ITPRID1: variants seen among roughly 807,000 people sequenced by gnomAD.
ITPRID1 encodes the protein ITPR interacting domain containing 1, also known as protein ITPRID1.
ITPRID1 carries 96 observed loss-of-function variants against 95.4 expected under a neutral mutation model. That is an observed-to-expected ratio of 1.01 (90% CI 0.85 to 1.19). The LOEUF is 1.19. Among genes scored for constraint, ITPRID1 ranks in the 50% most tolerant of loss-of-function variants. ITPRID1 has a pLI of 0.00. For synonymous variants in ITPRID1, 510 were observed against 453.6 expected (o/e 1.12, Z -1.58); for missense variants, 1,339 against 1,252.9 (o/e 1.07, Z -1.04).
At chr7:31,609,550 A>T (rs1358537298) in intron 10 of ITPRID1, among the ~76,000 whole-genome samples, 1 of 151,520 alleles carries the variant, frequency 6.6e-6, no homozygotes, top group Non-Finnish European at 1.5e-5. Context: ...CCTTTCTAGA[A>T]ATGTATCCAT....
Position 31,642,788 on chromosome 7 carries a change from A to G in ITPRID1, c.1418A>G (p.Asp473Gly). 2 of 1,613,996 alleles carry G rather than the reference A, an allele frequency of 1.2e-6. No homozygotes were observed. The highest frequency in any genetic ancestry group is 3.3e-5 in the Admixed American group (2 of 60,026). Residue 473 changes from aspartate (D) to glycine (G), a missense_variant, in exon 12 of 15, where the codon GAT (aspartate) becomes GGT (glycine). Coordinates refer to ENST00000615280, the MANE Select transcript of ITPRID1 (RefSeq NM_001257967.3). ...VSSQDCQLES[D>G]GPDSKSRASM... ...TCCCAGGACTGTCAGCTAGAGTCGG[A>G]TGGGCCAGATTCCAAAAGTAGGGCG...
At chr7:31,605,147 AAG>A (rs1491076809) in intron 10 of ITPRID1, among the ~76,000 whole-genome samples, 9 of 151,610 alleles carry the variant, frequency 5.9e-5, no homozygotes, top group African/African-American at 2.2e-4. Flanking sequence ...CAAAAAAAAA[AAG>A]AGAAAATAAA....
At chr7:31,636,680 T>C (rs1216829076) in intron 10 of ITPRID1, among the ~76,000 whole-genome samples, 5 of 152,136 alleles carry the variant, frequency 3.3e-5, no homozygotes, top group Admixed American at 6.5e-5. Context: ...GAGGGAGAAC[T>C]AACAGGCTGT....
intron 10 of ITPRID1, among the ~76,000 whole-genome samples, chr7:31,599,690 C>CTCTCTCTCTCTCTCTTTCTT (rs1180791810): frequency 9.4e-6 from 1 of 106,646 alleles, no homozygotes; most frequent in African/African-American, 4.4e-5. Context: ...CTCTCTCTCT[C>CTCTCTCTCTCTCTCTTTCTT]TCTTTCTTTC....
chr7:31,621,943 G>A (rs1156645097), intron 10 of ITPRID1, among the ~76,000 whole-genome samples: 4 of 149,330 alleles, frequency 2.7e-5, no homozygotes, highest in Non-Finnish European at 4.5e-5. Context: ...AAAAAAGGCA[G>A]GGGTTGCAAT....
At chr7:31,536,132 T>C (rs1328514718) in intron 1 of ITPRID1, among the ~76,000 whole-genome samples, 2 of 152,176 alleles carry the variant, frequency 1.3e-5, no homozygotes, top group African/African-American at 2.4e-5. Context: ...TATTTTCCTA[T>C]AGATCTTGGA....
chr7:31,623,504 G>A (rs886946627), intron 10 of ITPRID1, among the ~76,000 whole-genome samples: 14 of 151,608 alleles, frequency 9.2e-5, no homozygotes, highest in Admixed American at 6.6e-4. Flanking sequence ...AGACAAAAAT[G>A]ACACGATTAT....
chr7:31,552,301 T>C (rs1784307710), intron 2 of ITPRID1, among the ~76,000 whole-genome samples: 1 of 107,564 alleles, frequency 9.3e-6, no homozygotes, highest in Non-Finnish European at 2.3e-5. Context: ...TGGTTTTGAG[T>C]CCTGGCTGGC....
At chr7:31,560,289 C>A (rs1784583088) in intron 5 of ITPRID1, among the ~76,000 whole-genome samples, 1 of 152,174 alleles carries the variant, frequency 6.6e-6, no homozygotes, top group Non-Finnish European at 1.5e-5. Flanking sequence ...AAAGAATTAT[C>A]CAGAAGCCAA....
chr7:31,600,606 G>A (rs888242098), intron 10 of ITPRID1, among the ~76,000 whole-genome samples: 1 of 152,182 alleles, frequency 6.6e-6, no homozygotes, highest in African/African-American at 2.4e-5. Flanking sequence ...GACTTTATAA[G>A]CCCAACTCTT....
chr7:31,628,024 G>C (rs1788633770), intron 10 of ITPRID1, among the ~76,000 whole-genome samples: 1 of 152,206 alleles, frequency 6.6e-6, no homozygotes, highest in Non-Finnish European at 1.5e-5. Context: ...AGGTTAATAA[G>C]AGCAGAAAGT....
At chr7:31,644,493 G>A (rs1375412073) in intron 12 of ITPRID1, among the ~76,000 whole-genome samples, 3 of 152,172 alleles carry the variant, frequency 2.0e-5, no homozygotes, top group Non-Finnish European at 2.9e-5. Context: ...ACTCTTATAT[G>A]TGTTACTCTT....
At chr7:31,551,574 A>AG (rs1784285917) in intron 2 of ITPRID1, among the ~76,000 whole-genome samples, 1 of 143,778 alleles carries the variant, frequency 7.0e-6, no homozygotes, top group Non-Finnish European at 1.6e-5. Context: ...TAAAATTGAC[A>AG]GCCATCATAA....
intron 10 of ITPRID1, among the ~76,000 whole-genome samples, chr7:31,620,279 AGATCT>A (rs928604079): frequency 6.6e-6 from 1 of 152,054 alleles, no homozygotes; most frequent in African/African-American, 2.4e-5. Flanking sequence ...ATGCAGCTGG[AGATCT>A]GAGAACGGGC....
chr7:31,544,279 A>G (rs896266112), intron 1 of ITPRID1, among the ~76,000 whole-genome samples: 11 of 152,176 alleles, frequency 7.2e-5, no homozygotes, highest in Non-Finnish European at 1.6e-4. Flanking sequence ...TAAAGATAAT[A>G]GAAAAGGTAC....
chr7:31,641,799 A>T (rs545991170), intron 10 of ITPRID1, among the ~76,000 whole-genome samples: 1 of 152,330 alleles, frequency 6.6e-6, no homozygotes, highest in East Asian at 1.9e-4. Flanking sequence ...ATACACACAC[A>T]CAAATATATA....
At chr7:31,521,667 CTTCCT>C (rs1783260970) in intron 1 of ITPRID1, among the ~76,000 whole-genome samples, 1 of 109,532 alleles carries the variant, frequency 9.1e-6, no homozygotes, top group Non-Finnish European at 1.9e-5. Context: ...TCCTTCCTTC[CTTCCT>C]TCCTTCCTTC....
chr7:31,642,783 G>T lies in ITPRID1; in HGVS notation c.1413G>T (p.Glu471Asp), dbSNP rs1196753672. 1 of 1,614,000 alleles carries T rather than the reference G, an allele frequency of 6.2e-7. No individual in the cohort carries two copies. Among genetic ancestry groups the T allele is most frequent in the Non-Finnish European group, 8.5e-7 (1 of 1,179,890 alleles). The change falls in exon 12 of 15, where the codon GAG becomes GAT. Residue 471 changes from glutamate (E) to aspartate (D), a missense_variant. By Grantham distance (45) the Glu-to-Asp change is conservative (BLOSUM62 2). Coordinates refer to ENST00000615280, the MANE Select transcript of ITPRID1 (RefSeq NM_001257967.3). Reference sequence around the variant, plus strand: ...TATCATCCCAGGACTGTCAGCTAGAGTCGGATGGGCCAGATTCCAAAAGTA... The same window carrying T: ...TATCATCCCAGGACTGTCAGCTAGATTCGGATGGGCCAGATTCCAAAAGTA... ...SLVSSQDCQL[E>D]SDGPDSKSRA...
chr7:31,613,918 G>A (rs184546717), intron 10 of ITPRID1, among the ~76,000 whole-genome samples: 10 of 152,308 alleles, frequency 6.6e-5, no homozygotes, highest in South Asian at 4.1e-4. Flanking sequence ...TAGGGGGAGG[G>A]AAGTTCCTTA....
Sources: gnomAD v4.1 joint callset for allele counts (sites outside exome capture counted in the v4.1 genomes callset) on GRCh38, gnomAD v4.1.1 for gene constraint, MANE v1.5 for transcripts, NCBI Gene and HGNC (gene_info 2026-07-23, HGNC 2026-07-21) for gene names.